SGIP1: variants seen among roughly 807,000 people sequenced by gnomAD.
SGIP1 encodes the protein SH3-containing GRB2-like protein 3-interacting protein 1.
A neutral mutation model predicts 107.5 loss-of-function variants in SGIP1; 38 were observed. The observed-to-expected ratio is 0.35, with a 90% confidence interval of 0.27 to 0.46. The LOEUF is 0.46. Ranked by LOEUF, SGIP1 falls within the 20% of genes least tolerant of loss-of-function variation. The pLI is 1.00. For missense variants in SGIP1, 929 were observed against 1,019.5 expected (o/e 0.91, Z 1.21); for synonymous variants, 365 against 366.1 (o/e 1.00, Z 0.03).
intron 19 of SGIP1, among the ~76,000 whole-genome samples, chr1:66,720,033 T>C (rs903588540): frequency 2.0e-5 from 3 of 152,232 alleles, no homozygotes; most frequent in African/African-American, 7.2e-5. Flanking sequence ...CTTATACATG[T>C]ACATACTGAC....
intron 7 of SGIP1, among the ~76,000 whole-genome samples, chr1:66,655,451 G>A (rs561347032): frequency 2.0e-4 from 31 of 152,116 alleles, no homozygotes; most frequent in Admixed American, 9.2e-4. Flanking sequence ...TGCATTTGCC[G>A]TCTTCTAAAA....
intron 19 of SGIP1, among the ~76,000 whole-genome samples, chr1:66,721,311 T>C (rs2150461048): frequency 6.6e-6 from 1 of 152,358 alleles, no homozygotes; most frequent in South Asian, 2.1e-4. Flanking sequence ...TTTTCTGTTA[T>C]TCCAGTTCTA....
intron 1 of SGIP1, among the ~76,000 whole-genome samples, chr1:66,606,664 C>T (rs140813476): frequency 2.6e-4 from 39 of 152,348 alleles, no homozygotes; most frequent in African/African-American, 8.7e-4. Context: ...TGTTAAGCAG[C>T]TCATTTAGTA....
In SGIP1 at chr1:66,558,270, C is replaced by T. The variant is rs369413179; in HGVS notation, c.10+23902C>T. ...TGCAATCTGCACATAAGGGCCCATGCTTAGAGGGGCCCTACACTTGGTTTA... is the reference window on the plus strand; with the variant it reads ...TGCAATCTGCACATAAGGGCCCATGTTTAGAGGGGCCCTACACTTGGTTTA... On this transcript the variant is annotated intron_variant, in intron 1 of 24. Transcript: ENST00000371037. 1.2e-4 allele frequency among the ~76,000 whole-genome samples: 19 copies of T among 152,022 alleles called. No homozygotes were observed. In the East Asian group the frequency reaches 2.3e-3, roughly 19 times the overall value.
intron 1 of SGIP1, among the ~76,000 whole-genome samples, chr1:66,549,503 G>C (rs2057063881): frequency 6.6e-6 from 1 of 152,198 alleles, no homozygotes; most frequent in Non-Finnish European, 1.5e-5. Flanking sequence ...TAAGGTGAGA[G>C]TAAGTCAAAG....
At chr1:66,672,850 T>C (rs2084161932) in intron 11 of SGIP1, among the ~76,000 whole-genome samples, 1 of 152,154 alleles carries the variant, frequency 6.6e-6, no homozygotes, top group African/African-American at 2.4e-5. Context: ...TGCTTGACTT[T>C]CGCTAATTAT....
At chr1:66,565,747 T>C (rs185357188) in intron 1 of SGIP1, among the ~76,000 whole-genome samples, 21 of 152,136 alleles carry the variant, frequency 1.4e-4, no homozygotes, top group Admixed American at 1.3e-3. Context: ...GCTTACACAT[T>C]TATTCAACAC....
At position 66,636,008 on chromosome 1, in the gene SGIP1, A is replaced by T; in HGVS notation, c.164A>T (p.Lys55Ile). ...KAECAREGGK[K>I]VSKKSNGAPN... ...GAGTGTGCGCGTGAAGGAGGAAAAA[A>T]AGTTTCGGTAAGGAAACAGATTTTA... The change falls in exon 4 of 25, where the codon AAA becomes ATA. Residue 55 changes from lysine to isoleucine, a missense_variant. Transcript: ENST00000371037. The T allele has an allele frequency of 6.2e-7, 1 of 1,613,728 alleles. No homozygotes were observed. Among genetic ancestry groups the T allele is most frequent in the South Asian group, 1.1e-5 (1 of 90,998 alleles).
chr1:66,564,574 A>G (rs961965732), intron 1 of SGIP1, among the ~76,000 whole-genome samples: 1 of 151,914 alleles, frequency 6.6e-6, no homozygotes, highest in African/African-American at 2.4e-5. Flanking sequence ...GTCATCTGCC[A>G]TTTCCTCTTT....
rs1553132904 is a variant in SGIP1, at chr1:66,660,249, G to GAGGGAGGA, written c.460-261_460-260insGAGGAAGG. On this transcript the variant is annotated intron_variant, in intron 7 of 24. Transcript: ENST00000371037. ...AGAAAGAGGGAGGGAGGGAGGGAGG[G>GAGGGAGGA]AGGAAGGAAGGGAGGAAAGAGCAAG... 8.7e-5 allele frequency: 25 copies of GAGGGAGGA among 285,910 alleles called. 1 individual carries two copies. Among genetic ancestry groups the GAGGGAGGA allele is most frequent in the Middle Eastern group, 8.7e-4 (1 of 1,156 alleles). The allele number at this position is 285,910 out of a possible 1,614,324, so 17.7% of individuals were successfully genotyped here.
chr1:66,577,697 G>T (rs1049103406), intron 1 of SGIP1, among the ~76,000 whole-genome samples: 1 of 151,528 alleles, frequency 6.6e-6, no homozygotes, highest in Admixed American at 6.6e-5. Flanking sequence ...TGCTCAAATG[G>T]TTAATAATTG....
At chr1:66,739,203 C>A in intron 21 of SGIP1, 132 bp from the exon 22 acceptor site, 4 of 953,100 alleles carry the variant, frequency 4.2e-6, no homozygotes, top group Non-Finnish European at 6.3e-6. Flanking sequence ...ACCCAGCTCT[C>A]TCACAGCACG....
intron 18 of SGIP1, among the ~76,000 whole-genome samples, chr1:66,703,692 TTTATATATGATCTATATCATATATA>T (rs1211133501): frequency 6.6e-6 from 1 of 151,166 alleles, no homozygotes; most frequent in Non-Finnish European, 1.5e-5. Context: ...CTATATCACA[TTTATATATGATCTATATCATATATA>T]TTATATATGA....
At chr1:66,542,261 G>T (rs1456716466) in intron 1 of SGIP1, among the ~76,000 whole-genome samples, 1 of 152,028 alleles carries the variant, frequency 6.6e-6, no homozygotes, top group Admixed American at 6.6e-5. Context: ...TTGTAAATAA[G>T]GCACAGTAGG....
chr1:66,603,277 T>C, intron 1 of SGIP1, among the ~76,000 whole-genome samples: 1 of 152,260 alleles, frequency 6.6e-6, no homozygotes, highest in East Asian at 1.9e-4. Context: ...AGATTTTTAT[T>C]TAATAAGCAT....
chr1:66,585,755 G>A (rs1329600481), intron 1 of SGIP1, among the ~76,000 whole-genome samples: 1 of 152,074 alleles, frequency 6.6e-6, no homozygotes, highest in East Asian at 1.9e-4. Context: ...CTCCCAAAGT[G>A]CTGAGATTAC....
chr1:66,589,210 A>ATGTGTGTGTGTGTGTG lies in SGIP1; in HGVS notation c.11-36636_11-36635insGTGTGTGTGTGTGTGT, dbSNP rs1351093715. Among the ~76,000 whole-genome samples, 235 of 68,988 alleles carry ATGTGTGTGTGTGTGTG rather than the reference A, an allele frequency of 3.4e-3. 4 individuals are homozygous for ATGTGTGTGTGTGTGTG. The highest frequency in any genetic ancestry group is 0.017 in the East Asian group (19 of 1,132). 45.3% of individuals were successfully genotyped at this position (68,988 alleles called of 152,430 possible). A position where few individuals can be genotyped will look rare whatever the true frequency, so the allele number is the denominator to read the frequency against. ...TATATATATATATATATATATATAT[A>ATGTGTGTGTGTGTGTG]TATATATGTAAGGCTTGGGGTAAAG... On this transcript the variant is annotated intron_variant, in intron 1 of 24. Transcript: ENST00000371037.
intron 1 of SGIP1, among the ~76,000 whole-genome samples, chr1:66,577,773 T>A (rs2061276395): frequency 2.9e-5 from 2 of 68,448 alleles, no homozygotes; most frequent in South Asian, 9.7e-4. Flanking sequence ...TGTGTGTGTG[T>A]GTGTGTGTGT....
chr1:66,740,608 A>T lies in SGIP1; in HGVS notation c.2235-50A>T, dbSNP rs746780161. 5 of 1,231,848 alleles carry T rather than the reference A, an allele frequency of 4.1e-6. No homozygotes were observed. The East Asian group carries it at 1.2e-4, about 29-fold the overall frequency. The allele number at this position is 1,231,848 out of a possible 1,614,324, so 76.3% of individuals were successfully genotyped here. A position where few individuals can be genotyped will look rare whatever the true frequency, so the allele number is the denominator to read the frequency against. ...CTGGAAAAAAAACATGGCATCCAGT[A>T]AACAAAAACTCTTGGATATGCAAAA... On this transcript the variant is annotated intron_variant, in intron 22 of 24. Coordinates refer to ENST00000371037, the MANE Select transcript of SGIP1 (RefSeq NM_032291.4).
Sources: gnomAD v4.1 joint callset for allele counts (sites outside exome capture counted in the v4.1 genomes callset) on GRCh38, gnomAD v4.1.1 for gene constraint, MANE v1.5 for transcripts, NCBI Gene and HGNC (gene_info 2026-07-23, HGNC 2026-07-21) for gene names.